Variants in ARHGAP15 observed in about 807,000 individuals in gnomAD.
ARHGAP15 encodes the protein Rho GTPase activating protein 15.
A neutral mutation model predicts 63.7 loss-of-function variants in ARHGAP15; 51 were observed. The ratio of observed to expected loss-of-function variants is 0.80; its 90% confidence interval spans 0.64 to 1.01. The LOEUF (loss-of-function observed/expected upper bound fraction) is 1.01. ARHGAP15 is among the 50% of genes least tolerant of loss of function. The probability of loss-of-function intolerance (pLI) is 0.00; values close to 1 mark genes in which losing one functional copy is unlikely to be tolerated. For missense variants in ARHGAP15, 560 were observed against 564.6 expected (o/e 0.99, Z 0.08); for synonymous variants, 191 against 193.8 (o/e 0.99, Z 0.12).
At chr2:143,189,671 AG>A in intron 2 of ARHGAP15, among the ~76,000 whole-genome samples, 1 of 152,008 alleles carries the variant, frequency 6.6e-6, no homozygotes, top group East Asian at 1.9e-4. Context: ...CATGTTGGCC[AG>A]GCTGGTATCG....
At chr2:143,209,265 C>T (rs1182963801) in intron 3 of ARHGAP15, among the ~76,000 whole-genome samples, 4 of 152,086 alleles carry the variant, frequency 2.6e-5, no homozygotes, top group Non-Finnish European at 5.9e-5. Context: ...TCCAGATCTT[C>T]AGGCTGTTAA....
At chr2:143,626,900 C>G (rs1698857626) in intron 12 of ARHGAP15, among the ~76,000 whole-genome samples, 1 of 152,096 alleles carries the variant, frequency 6.6e-6, no homozygotes, top group Non-Finnish European at 1.5e-5. Flanking sequence ...GTTCTCACCC[C>G]CAAGGTCATG....
intron 6 of ARHGAP15, among the ~76,000 whole-genome samples, chr2:143,335,028 T>C (rs1684710815): frequency 6.6e-6 from 1 of 152,358 alleles, no homozygotes; most frequent in Non-Finnish European, 1.5e-5. Flanking sequence ...AAACTCACGA[T>C]CAAAGGAATT....
At chr2:143,592,941 C>T (rs12622927) in intron 11 of ARHGAP15, among the ~76,000 whole-genome samples, 118,337 of 152,092 alleles carry the variant, frequency 0.78, 46,113 homozygotes, top group Non-Finnish European at 0.79. Flanking sequence ...TGTGCACCAT[C>T]CCACTGGCAC....
At chr2:143,513,114 A>G (rs1044061891) in intron 9 of ARHGAP15, among the ~76,000 whole-genome samples, 2 of 152,208 alleles carry the variant, frequency 1.3e-5, no homozygotes, top group African/African-American at 2.4e-5. Flanking sequence ...AAGAGAGGCT[A>G]TAAGTGAGAA....
intron 1 of ARHGAP15, among the ~76,000 whole-genome samples, chr2:143,147,941 G>T (rs1689654327): frequency 2.6e-5 from 4 of 151,986 alleles, no homozygotes; most frequent in Admixed American, 2.0e-4. Flanking sequence ...ATTCTTACTT[G>T]TGGATTTCTT....
chr2:143,354,795 G>T (rs1487368983), intron 6 of ARHGAP15, among the ~76,000 whole-genome samples: 1 of 152,098 alleles, frequency 6.6e-6, no homozygotes, highest in Non-Finnish European at 1.5e-5. Flanking sequence ...CAAAGATTTT[G>T]CAGCAGTGCT....
chr2:143,402,167 A>G (rs969184443), intron 6 of ARHGAP15, among the ~76,000 whole-genome samples: 1 of 151,926 alleles, frequency 6.6e-6, no homozygotes, highest in African/African-American at 2.4e-5. Flanking sequence ...AGAACTTTTG[A>G]TAGGTAACAC....
chr2:143,491,777 G>A (rs1334154449), intron 9 of ARHGAP15, among the ~76,000 whole-genome samples: 1 of 152,052 alleles, frequency 6.6e-6, no homozygotes, highest in East Asian at 1.9e-4. Context: ...CTTCAGTGTT[G>A]TAATATCTTA....
intron 9 of ARHGAP15, among the ~76,000 whole-genome samples, chr2:143,492,188 G>T (rs1466126785): frequency 6.6e-6 from 1 of 151,962 alleles, no homozygotes; most frequent in African/African-American, 2.4e-5. Context: ...GGCCCTGCTT[G>T]GTTCTTCTCC....
intron 8 of ARHGAP15, among the ~76,000 whole-genome samples, chr2:143,456,549 TAAAA>T (rs1196040722): frequency 1.3e-5 from 2 of 151,992 alleles, no homozygotes; most frequent in African/African-American, 2.4e-5. Flanking sequence ...CAGTATGAAT[TAAAA>T]AAATAAAATT....
At chr2:143,553,971 C>T (rs555317725) in intron 10 of ARHGAP15, among the ~76,000 whole-genome samples, 1 of 151,988 alleles carries the variant, frequency 6.6e-6, no homozygotes, top group African/African-American at 2.4e-5. Flanking sequence ...TAAGTAAGGC[C>T]CTTATTTGCA....
intron 9 of ARHGAP15, among the ~76,000 whole-genome samples, chr2:143,501,530 G>A (rs1029318823): frequency 2.0e-5 from 3 of 152,144 alleles, no homozygotes; most frequent in African/African-American, 4.8e-5. Context: ...GAAGAGCGAG[G>A]TTAGACCCTC....
At chr2:143,500,456 T>C (rs1046374979) in intron 9 of ARHGAP15, among the ~76,000 whole-genome samples, 4 of 152,098 alleles carry the variant, frequency 2.6e-5, no homozygotes, top group African/African-American at 9.7e-5. Flanking sequence ...ATTCACCTTA[T>C]GTTAATTACA....
At chr2:143,284,142 C>A (rs1039122497) in intron 6 of ARHGAP15, among the ~76,000 whole-genome samples, 9 of 152,092 alleles carry the variant, frequency 5.9e-5, no homozygotes, top group Admixed American at 5.9e-4. Flanking sequence ...TAAATATTAT[C>A]CATACTTGAA....
At chr2:143,284,828 G>C (rs1682016593) in intron 6 of ARHGAP15, among the ~76,000 whole-genome samples, 1 of 152,150 alleles carries the variant, frequency 6.6e-6, no homozygotes, top group African/African-American at 2.4e-5. Flanking sequence ...TTCCTTAAAG[G>C]TGCTCTGAGG....
chr2:143,415,729 G>A (rs1688645765), intron 6 of ARHGAP15, among the ~76,000 whole-genome samples: 1 of 152,138 alleles, frequency 6.6e-6, no homozygotes, highest in Non-Finnish European at 1.5e-5. Flanking sequence ...CAAACCAAAT[G>A]CCCATTAATC....
chr2:143,258,561 C>T (rs1215664065), intron 6 of ARHGAP15, among the ~76,000 whole-genome samples: 3 of 152,056 alleles, frequency 2.0e-5, no homozygotes, highest in Non-Finnish European at 2.9e-5. Context: ...GGATATAAAA[C>T]ACTGCAGGGC....
intron 6 of ARHGAP15, among the ~76,000 whole-genome samples, chr2:143,330,890 T>A (rs1684520006): frequency 6.6e-6 from 1 of 152,236 alleles, no homozygotes; most frequent in African/African-American, 2.4e-5. Flanking sequence ...CTCTTTAGAT[T>A]TCCTTATGAA....
Sources: gnomAD v4.1 joint callset for allele counts (sites outside exome capture counted in the v4.1 genomes callset) on GRCh38, gnomAD v4.1.1 for gene constraint, MANE v1.5 for transcripts, NCBI Gene and HGNC (gene_info 2026-07-23, HGNC 2026-07-21) for gene names.